WDFY4: variants seen among roughly 807,000 people sequenced by gnomAD.
The protein encoded by WDFY4 is WDFY family member 4, also known as WD repeat- and FYVE domain-containing protein 4.
WDFY4 carries 169 observed loss-of-function variants against 351.9 expected under a neutral mutation model. The ratio of observed to expected loss-of-function variants is 0.48; its 90% CI spans 0.42 to 0.55. The LOEUF is 0.55. WDFY4 is among the 20% of genes least tolerant of loss of function. WDFY4 has a pLI of 0.00. For synonymous variants in WDFY4, 1,622 were observed against 1,574.6 expected, an observed-to-expected ratio of 1.03 and a Z score of -0.71; for missense variants, 3,803 against 3,935.6, an observed-to-expected ratio of 0.97 and a Z score of 0.90.
chr10:48,788,454 G>T (rs2066567898), intron 20 of WDFY4, 76 bp from the exon 21 acceptor site: 44 of 1,470,662 alleles, frequency 3.0e-5, no homozygotes, highest in Middle Eastern at 2.0e-4. Flanking sequence ...GTGTGACAGA[G>T]ATATTAAATT....
chr10:48,968,471 G>C (rs1842186743), intron 55 of WDFY4: 1 of 153,284 alleles, frequency 6.5e-6, no homozygotes, highest in Admixed American at 6.5e-5. Context: ...GTCAGGAAGA[G>C]GGTGGTTCTC....
At chr10:48,826,390 G>C (rs1440557195) in intron 35 of WDFY4, among the ~76,000 whole-genome samples, 1 of 152,192 alleles carries the variant, frequency 6.6e-6, no homozygotes, top group Admixed American at 6.5e-5. Context: ...ATAGTTTGAA[G>C]TCAGGTAGCA....
At chr10:48,828,155 C>T (rs1369320388) in intron 36 of WDFY4, among the ~76,000 whole-genome samples, 3 of 152,128 alleles carry the variant, frequency 2.0e-5, no homozygotes, top group Non-Finnish European at 4.4e-5. Flanking sequence ...ATAATGGCCA[C>T]GTGGACGTTA....
chr10:48,719,522 C>T (rs2064010233), intron 2 of WDFY4, among the ~76,000 whole-genome samples: 1 of 152,242 alleles, frequency 6.6e-6, no homozygotes, highest in Non-Finnish European at 1.5e-5. Flanking sequence ...AAAGCACACT[C>T]TTTCACTTGC....
At chr10:48,794,608 C>T (rs1021641187) in intron 23 of WDFY4, among the ~76,000 whole-genome samples, 8 of 151,990 alleles carry the variant, frequency 5.3e-5, no homozygotes, top group African/African-American at 1.9e-4. Context: ...AGGAGCTAAC[C>T]ACATGGAGCT....
intron 52 of WDFY4, among the ~76,000 whole-genome samples, chr10:48,958,889 G>C (rs777801635): frequency 6.6e-6 from 1 of 152,178 alleles, no homozygotes; most frequent in Non-Finnish European, 1.5e-5. Flanking sequence ...AGGCCAGGCA[G>C]CTCAGTAGCC....
In WDFY4 at chr10:48,966,600, G is replaced by A; in HGVS notation, c.8511G>A (p.Val2837=). 2 of 1,551,954 alleles carry A rather than the reference G, an allele frequency of 1.3e-6. No individual in the cohort carries two copies. Among genetic ancestry groups the A allele is most frequent in the East Asian group, 2.4e-5 (1 of 40,920 alleles). ...CTGGAAAGGATGTCTCCACCCCCGT[G>A]AGCCTGCCTGGCCACCCACAGCCCT... ...PLPGKDVSTP[V]SLPGHPQPFF... Residue 2837 remains valine, a synonymous_variant, in exon 55 of 62, where the codon GTG becomes GTA. Transcript: ENST00000325239.
intron 51 of WDFY4, among the ~76,000 whole-genome samples, chr10:48,953,969 C>T (rs1589984738): frequency 1.3e-5 from 2 of 152,284 alleles, no homozygotes; most frequent in East Asian, 3.9e-4. Flanking sequence ...TCAGGTTTTC[C>T]AGCTTTAGCC....
At chr10:48,750,615 A>G (rs2065153734) in intron 12 of WDFY4, among the ~76,000 whole-genome samples, 1 of 152,242 alleles carries the variant, frequency 6.6e-6, no homozygotes, top group South Asian at 2.1e-4. Context: ...CACTGATCAC[A>G]GTGCAAATCA....
Position 48,788,618 on chromosome 10 carries a change from T to G in WDFY4, c.3897T>G (p.Ser1299Arg), listed in dbSNP as rs1352156357. 4.5e-6 allele frequency: 7 copies of G among 1,551,780 alleles called. No individual in the cohort carries two copies. Among genetic ancestry groups the G allele is most frequent in the East Asian group, 2.4e-5 (1 of 40,930 alleles). The part of the protein sequence containing the change: ...GLHIASSSIT[S>R]VADIRNAYNE... The stretch of plus-strand genomic sequence containing the variant: ...ACATAGCCAGCTCCTCTATCACCAG[T>G]GTAGCGGACATCAGAAATGCTTACA... Residue 1299 changes from serine to arginine, a missense_variant, in exon 21 of 62, where the codon AGT becomes AGG. Around this residue, in one of 3 missense-constraint regions of WDFY4, gnomAD observed 3,054 missense variants for 3,148.6 expected, o/e 0.97. Coordinates refer to ENST00000325239, the MANE Select transcript of WDFY4 (RefSeq NM_001394531.1).
intron 39 of WDFY4, among the ~76,000 whole-genome samples, chr10:48,842,963 T>C (rs1305595380): frequency 6.6e-6 from 1 of 152,194 alleles, no homozygotes; most frequent in African/African-American, 2.4e-5. Flanking sequence ...GGGGTTAAAG[T>C]TGGTTTGCTT....
chr10:48,913,280 G>A (rs890915265), intron 47 of WDFY4: 4 of 1,025,892 alleles, frequency 3.9e-6, no homozygotes, highest in South Asian at 3.1e-5. Flanking sequence ...GGGCTTGGCT[G>A]AAAGAGCTGC....
intron 47 of WDFY4, chr10:48,909,937 A>G (rs913383446): frequency 5.2e-6 from 2 of 381,252 alleles, no homozygotes; most frequent in East Asian, 4.7e-5. Flanking sequence ...TTTAAGTCTT[A>G]AAGTCTTAAA....
At chr10:48,931,733 T>C (rs1390302126) in intron 47 of WDFY4, among the ~76,000 whole-genome samples, 1 of 152,250 alleles carries the variant, frequency 6.6e-6, no homozygotes, top group Non-Finnish European at 1.5e-5. Context: ...TAGAAACTTT[T>C]CCTAAATTCA....
intron 58 of WDFY4, among the ~76,000 whole-genome samples, chr10:48,975,500 T>G (rs531249805): frequency 2.0e-5 from 3 of 152,058 alleles, no homozygotes; most frequent in Non-Finnish European, 4.4e-5. Context: ...AGCCCTGTCA[T>G]GGGATATGGG....
Position 48,982,650 on chromosome 10 carries a change from C to G in WDFY4, c.*75C>G. The G allele has an allele frequency of 1.4e-6, 2 of 1,465,498 alleles. No homozygotes were observed. The highest frequency in any genetic ancestry group is 9.3e-7 in the Non-Finnish European group (1 of 1,074,476). The allele number at this position is 1,465,498 out of a possible 1,614,324, so 90.8% of individuals were successfully genotyped here. On this transcript the variant is annotated 3_prime_UTR_variant, in exon 62 of 62. Transcript: ENST00000325239. Reference sequence around the variant, plus strand: ...GGCAGAGGTGACTGGGGCCTGAGCTCTGCCTACAGAAGAAACCCCCAGGGC... The same window carrying G: ...GGCAGAGGTGACTGGGGCCTGAGCTGTGCCTACAGAAGAAACCCCCAGGGC...
In WDFY4 at chr10:48,820,399, A is replaced by G. The variant is rs2067778255; in HGVS notation, c.5671A>G (p.Ser1891Gly). 6.4e-7 allele frequency: 1 copy of G among 1,551,578 alleles called. No homozygotes were observed. The highest frequency in any genetic ancestry group is 1.4e-5 in the African/African-American group (1 of 73,146). Residue 1891 changes from serine (S) to glycine (G), a missense_variant, in exon 33 of 62, where the codon AGC becomes GGC. Ser to Gly is a moderately conservative substitution (Grantham distance 56, BLOSUM62 0). Transcript: ENST00000325239. ...LLRELLLGAS[S>G]PKQWLPLEVL... ...GAGGGAGCTCCTGCTTGGAGCCTCC[A>G]GCCCCAAGCAGTGGCTGCCCCTGGA...
intron 43 of WDFY4, among the ~76,000 whole-genome samples, chr10:48,888,711 C>A (rs2133359651): frequency 6.6e-6 from 1 of 152,300 alleles, no homozygotes. Context: ...TGCCTCTAGG[C>A]CCTTAACTGG....
rs371891400 is a variant in WDFY4 at position 48,851,619 on chromosome 10, C to A, written c.6664-15646C>A. On this transcript the variant is annotated intron_variant, in intron 39 of 61. Transcript: ENST00000325239. ...CTGATCTGCTGCCTTCAGATATCAGCCTTTCTCATTTTTGTGAGGCCACAC... is the reference window on the plus strand; with the variant it reads ...CTGATCTGCTGCCTTCAGATATCAGACTTTCTCATTTTTGTGAGGCCACAC... Among the ~76,000 whole-genome samples, 8 of 152,342 alleles carry A rather than the reference C, an allele frequency of 5.3e-5. 1 individual carries two copies. The highest frequency in any genetic ancestry group is 1.9e-4 in the African/African-American group (8 of 41,586).
Sources: allele counts gnomAD v4.1 joint callset (sites outside exome capture counted in the v4.1 genomes callset), GRCh38; gene constraint gnomAD v4.1.1; regional missense constraint gnomAD v4.1.1; transcripts MANE v1.5; gene names NCBI Gene and HGNC (gene_info 2026-07-23, HGNC 2026-07-21).